The following GRTP1 variants were observed in gnomAD, a reference collection of about 807,000 sequenced individuals.
The protein encoded by GRTP1 is growth hormone-regulated TBC protein 1.
GRTP1 carries 56 observed loss-of-function variants against 38.1 expected under a neutral mutation model. The observed-to-expected ratio is 1.47, with a 90% CI of 1.19 to 1.84. The LOEUF (loss-of-function observed/expected upper bound fraction) is 1.84. Ranked by LOEUF, GRTP1 falls within the 40% of genes most tolerant of loss-of-function variation. The pLI, the probability that GRTP1 is intolerant of heterozygous loss-of-function variation, is 0.00. For synonymous variants in GRTP1, 217 were observed against 189.5 expected (o/e 1.14, Z -1.19); for missense variants, 506 against 453.9 (o/e 1.11, Z -1.04).
At chr13:113,333,838 AGTGTGTGTGTGTGTG>A in intron 5 of GRTP1, among the ~76,000 whole-genome samples, 1 of 23,600 alleles carries the variant, frequency 4.2e-5, no homozygotes, top group African/African-American at 6.8e-5. Context: ...TTATTTATTT[AGTGTGTGTGTGTGTG>A]TGTGTGTGTG....
chr13:113,325,516 GC>G (rs1457995089), intron 7 of GRTP1, 144 bp downstream of exon 7: 27 of 1,517,504 alleles, frequency 1.8e-5, no homozygotes, highest in Non-Finnish European at 2.2e-5. Context: ...GGGGGCAGAT[GC>G]AGGACAGAGC....
At chr13:113,346,097 TGTGGCCGAGAACAGACCC>T (rs2043111145) in intron 4 of GRTP1, among the ~76,000 whole-genome samples, 1 of 107,748 alleles carries the variant, frequency 9.3e-6, no homozygotes, top group African/African-American at 4.2e-5. Context: ...GGAAGACATC[TGTGGCCGAGAACAGACCC>T]GGGAGGACCT....
intron 4 of GRTP1, among the ~76,000 whole-genome samples, chr13:113,347,626 GGACCTGGGAGGACCTCTGTGGCTGAGCA>G (rs2043181961): frequency 6.4e-5 from 1 of 15,516 alleles, no homozygotes; most frequent in Admixed American, 4.9e-4. Context: ...GGCTGAGAGC[GGACCTGGGAGGACCTCTGTGGCTGAGCA>G]GATCTGGGAG....
At position 113,343,291 on chromosome 13, in the gene GRTP1, C is replaced by T. The variant is rs2139446238; in HGVS notation, c.562+1572G>A. On this transcript the variant is annotated intron_variant, in intron 5 of 7. Coordinates refer to ENST00000375431, the MANE Select transcript of GRTP1 (RefSeq NM_024719.4). The surrounding 1 kb of genome is among the most constrained non-coding windows in gnomAD (Gnocchi z 4.8). Reference sequence around the variant, plus strand: ...TGTTCACCGAACTGAGCTGAGACAGCCGGCATCCTTTCCGCCCTGCGAGGT... The same window carrying T: ...TGTTCACCGAACTGAGCTGAGACAGTCGGCATCCTTTCCGCCCTGCGAGGT... Among the ~76,000 whole-genome samples the T allele has an allele frequency of 6.6e-6, 1 of 152,284 alleles. No individual in the cohort carries two copies. Among genetic ancestry groups the T allele is most frequent in the African/African-American group, 2.4e-5 (1 of 41,562 alleles).
At position 113,325,671 on chromosome 13, in the gene GRTP1, G is replaced by T. The variant is rs146741219; in HGVS notation, c.911C>A (p.Thr304Lys). The change falls in exon 7 of 8, where the codon ACG becomes AAG. Residue 304 changes from threonine to lysine, a missense_variant. Coordinates refer to ENST00000375431, the MANE Select transcript of GRTP1 (RefSeq NM_024719.4). Reference sequence around the variant, plus strand: ...TGCAGCCCCACACACCTGCATAAACGTGTGACACTCCATCACGAAACTCCC... The same window carrying T: ...TGCAGCCCCACACACCTGCATAAACTTGTGACACTCCATCACGAAACTCCC... ...TKGSFVMECHTFMQKIFSEPG... is the reference protein window; with the variant it reads ...TKGSFVMECHKFMQKIFSEPG... 3.1e-4 allele frequency: 506 copies of T among 1,614,134 alleles called. 4 individuals carry two copies. The African/African-American group carries it at 6.3e-3, about 20-fold the overall frequency.
rs146038802 is a variant in GRTP1, at chr13:113,334,125, G to A, written c.563-8034C>T. ...GCTGGGATTACAGGGGTGAGCCGCC[G>A]CGCCTGGCCCATGCCTGTGCATTTA... On this transcript the variant is annotated intron_variant, in intron 5 of 7. Transcript: ENST00000375431. Among the ~76,000 whole-genome samples the A allele has an allele frequency of 8.5e-3, 1,300 of 152,286 alleles. 11 individuals carry two copies. The highest frequency in any genetic ancestry group is 0.022 in the South Asian group (104 of 4,828).
intron 5 of GRTP1, among the ~76,000 whole-genome samples, chr13:113,334,321 C>T (rs1265374716): frequency 6.6e-6 from 1 of 152,150 alleles, no homozygotes; most frequent in East Asian, 1.9e-4. Flanking sequence ...CAGCCTCCCG[C>T]TGGCCTGTGA....
intron 5 of GRTP1, among the ~76,000 whole-genome samples, chr13:113,340,757 G>A (rs1372219154): frequency 1.3e-5 from 2 of 151,918 alleles, no homozygotes; most frequent in Non-Finnish European, 2.9e-5. Flanking sequence ...TCCAGCCTGG[G>A]CGACAGAGTG....
rs116651693 is a variant in GRTP1, at chr13:113,337,120, C to A, written c.562+7743G>T. ...ACCAGCCTGGGCAATTCAAGAAGAC[C>A]CTGTCTGTACTCAAAATAAAAAAAT... is the stretch of plus-strand genomic sequence containing the variant. On this transcript the variant is annotated intron_variant, in intron 5 of 7. Coordinates refer to ENST00000375431, the MANE Select transcript of GRTP1 (RefSeq NM_024719.4). Among the ~76,000 whole-genome samples the A allele has an allele frequency of 7.9e-3, 1,206 of 151,764 alleles. 19 individuals are homozygous for A. Among genetic ancestry groups the A allele is most frequent in the African/African-American group, 0.028 (1,150 of 41,352 alleles).
rs2043076476 is a variant in GRTP1 at position 113,344,845 on chromosome 13, C to T, written c.562+18G>A. 6.3e-7 allele frequency: 1 copy of T among 1,592,636 alleles called. No homozygotes were observed. ...GAAACAGGACAGTTCGGGCATACCGCAGGAATTTTCAACATACCTGGTAGT... is the reference window on the plus strand; with the variant it reads ...GAAACAGGACAGTTCGGGCATACCGTAGGAATTTTCAACATACCTGGTAGT... On this transcript the variant is annotated intron_variant, in intron 5 of 7. Coordinates refer to ENST00000375431, the MANE Select transcript of GRTP1 (RefSeq NM_024719.4).
In GRTP1 at chr13:113,339,483, T is replaced by C. The variant is rs1374303686; in HGVS notation, c.562+5380A>G. 2.6e-5 allele frequency: 4 copies of C among 152,256 alleles called. No individual in the cohort carries two copies. The South Asian group carries it at 8.3e-4, about 31-fold the overall frequency. The allele number at this position is 152,256 out of a possible 1,614,324, so 9.4% of individuals were successfully genotyped here. A position where few individuals can be genotyped will look rare whatever the true frequency, so the allele number is the denominator to read the frequency against. On this transcript the variant is annotated intron_variant, in intron 5 of 7. Coordinates refer to ENST00000375431, the MANE Select transcript of GRTP1 (RefSeq NM_024719.4). ...TCTGAGTTTCAAAGTTTTACTTTTT[T>C]ACATGAGTCTTAAATCCATCTGGAA...
At position 113,348,477 on chromosome 13, in the gene GRTP1, C is replaced by T. The variant is rs149085299; in HGVS notation, c.465+2372G>A. Among the ~76,000 whole-genome samples the T allele has an allele frequency of 1.2e-3, 179 of 152,238 alleles. 1 individual carries two copies. The highest frequency in any genetic ancestry group is 4.1e-3 in the African/African-American group (171 of 41,530). On this transcript the variant is annotated intron_variant, in intron 4 of 7. Coordinates refer to ENST00000375431, the MANE Select transcript of GRTP1 (RefSeq NM_024719.4). This position sits in a 1 kb window ranked among gnomAD's most constrained non-coding sequence, Gnocchi z 4.8. The stretch of plus-strand genomic sequence containing the variant: ...TGTGTAACTCTACACATATGCCACA[C>T]ATTGAACTGTGTTGCCCGCCCCAAA...
intron 3 of GRTP1, among the ~76,000 whole-genome samples, chr13:113,353,576 G>A (rs1001448093): frequency 4.6e-5 from 7 of 152,298 alleles, no homozygotes; most frequent in Non-Finnish European, 1.0e-4. Flanking sequence ...CAAGCGTACA[G>A]TGGGACTGCC....
intron 5 of GRTP1, among the ~76,000 whole-genome samples, chr13:113,328,236 A>G (rs1033245802): frequency 2.6e-5 from 4 of 152,228 alleles, no homozygotes; most frequent in African/African-American, 9.6e-5. Flanking sequence ...CTGTGCATTC[A>G]TCACCGAGGC....
chr13:113,329,450 C>A (rs534708559), intron 5 of GRTP1, among the ~76,000 whole-genome samples: 1 of 151,392 alleles, frequency 6.6e-6, no homozygotes, highest in Non-Finnish European at 1.5e-5. Flanking sequence ...TGGTGGCCAG[C>A]ACCTGTAATC....
intron 5 of GRTP1, among the ~76,000 whole-genome samples, chr13:113,332,988 C>T (rs1213836708): frequency 2.0e-5 from 3 of 152,358 alleles, no homozygotes; most frequent in Non-Finnish European, 2.9e-5. Flanking sequence ...AGTGACCAGA[C>T]GCCAATTTAT....
chr13:113,353,897 T>A (rs1043443095), intron 3 of GRTP1, among the ~76,000 whole-genome samples: 11 of 151,550 alleles, frequency 7.3e-5, no homozygotes, highest in Non-Finnish European at 1.5e-4. Flanking sequence ...TGCAAAAAAA[T>A]AAAAATTAAA....
rs373647513 is a variant in GRTP1, at chr13:113,325,992, C to T, written c.662G>A (p.Arg221His). ...KLPAVGALME[R>H]LGVLWTLLVS... is the part of the protein sequence containing the mutation. Reference sequence around the variant, plus strand: ...CAGCAGCGTCCACAGCACACCGAGACGCTCCATCAGGGCCCCCACAGCCGG... The same window carrying T: ...CAGCAGCGTCCACAGCACACCGAGATGCTCCATCAGGGCCCCCACAGCCGG... Residue 221 changes from arginine (R) to histidine (H), a missense_variant, in exon 6 of 8, where the codon CGT becomes CAT. Arg to His is a conservative substitution (Grantham distance 29). Coordinates refer to ENST00000375431, the MANE Select transcript of GRTP1 (RefSeq NM_024719.4). 190 of 1,613,760 alleles carry T rather than the reference C, an allele frequency of 1.2e-4. No individual in the cohort carries two copies. The highest frequency in any genetic ancestry group is 1.5e-4 in the Non-Finnish European group (182 of 1,179,964).
intron 4 of GRTP1, among the ~76,000 whole-genome samples, chr13:113,345,607 C>G: frequency 6.6e-6 from 1 of 152,180 alleles, no homozygotes; most frequent in East Asian, 1.9e-4. Context: ...AAGTATTTCT[C>G]TAGTAATAAG....
Sources: allele counts gnomAD v4.1 joint callset (sites outside exome capture counted in the v4.1 genomes callset), GRCh38; gene constraint gnomAD v4.1.1; non-coding constraint Gnocchi (gnomAD v3.1); transcripts MANE v1.5; gene names NCBI Gene and HGNC (gene_info 2026-07-23, HGNC 2026-07-21).